The following NINL variants were observed in gnomAD, a reference collection of about 807,000 sequenced individuals.
NINL encodes the protein ninein-like protein.
NINL carries 153 observed loss-of-function variants against 160.3 expected under a neutral mutation model. The ratio of observed to expected loss-of-function variants is 0.95; its 90% CI spans 0.84 to 1.09. The LOEUF (loss-of-function observed/expected upper bound fraction) is 1.09, where lower values mean the gene tolerates loss of function less well. NINL is among the 50% of genes least tolerant of loss of function. The pLI, the probability that NINL is intolerant of heterozygous loss-of-function variation, is 0.00. For synonymous variants in NINL, 800 were observed against 734.8 expected (o/e 1.09, Z -1.43); for missense variants, 1,829 against 1,764.0 (o/e 1.04, Z -0.66).
intron 10 of NINL, among the ~76,000 whole-genome samples, chr20:25,492,799 T>C (rs1042220253): frequency 5.3e-5 from 8 of 152,148 alleles, no homozygotes; most frequent in Admixed American, 1.3e-4. Context: ...GTGAAAGATA[T>C]ATAGGCAATG....
Position 25,481,950 on chromosome 20 carries a change from C to T in NINL, c.1810+18G>A, listed in dbSNP as rs373122812. 8.2e-6 allele frequency: 13 copies of T among 1,592,978 alleles called. No individual in the cohort carries two copies. The African/African-American group carries it at 1.7e-4, about 21-fold the overall frequency. ...CAGCAGGCCTTGGGTCAGCCCCCTCCCAGGGACGGGCTCCTACCTGCTGGG... is the reference window on the plus strand; with the variant it reads ...CAGCAGGCCTTGGGTCAGCCCCCTCTCAGGGACGGGCTCCTACCTGCTGGG... On this transcript the variant is annotated intron_variant, in intron 14 of 23. Coordinates refer to ENST00000278886, the MANE Select transcript of NINL (RefSeq NM_025176.6).
intron 2 of NINL, among the ~76,000 whole-genome samples, chr20:25,521,628 ATC>A (rs1489391172): frequency 6.6e-6 from 1 of 152,224 alleles, no homozygotes. Context: ...ATTTGAGATT[ATC>A]TAGTGTACTG....
At chr20:25,566,723 G>A (rs2065002841) in intron 1 of NINL, among the ~76,000 whole-genome samples, 1 of 152,158 alleles carries the variant, frequency 6.6e-6, no homozygotes, top group African/African-American at 2.4e-5. Context: ...GAGCCCAGGA[G>A]TTTGAGGCTG....
intron 1 of NINL, among the ~76,000 whole-genome samples, chr20:25,566,779 G>A (rs868619604): frequency 6.6e-6 from 1 of 151,896 alleles, no homozygotes; most frequent in Non-Finnish European, 1.5e-5. Flanking sequence ...AGGTGACACA[G>A]CAAGACCCAT....
At chr20:25,576,672 G>A (rs1360818828) in intron 1 of NINL, among the ~76,000 whole-genome samples, 2 of 151,890 alleles carry the variant, frequency 1.3e-5, no homozygotes, top group African/African-American at 4.8e-5. Context: ...ACATTGCCCA[G>A]GTTGGTCTCG....
chr20:25,462,367 G>T lies in NINL; in HGVS notation c.3582+16C>A, dbSNP rs765743737. The T allele has an allele frequency of 1.2e-6, 2 of 1,611,240 alleles. No homozygotes were observed. The highest frequency in any genetic ancestry group is 1.1e-5 in the South Asian group (1 of 90,728). On this transcript the variant is annotated intron_variant, in intron 20 of 23. Coordinates refer to ENST00000278886, the MANE Select transcript of NINL (RefSeq NM_025176.6). The stretch of plus-strand genomic sequence containing the variant: ...CCCAGCCTCCAGCTCAGCTCCCTGC[G>T]GCTGAGGCCACCCACCTGCTGCTGC...
chr20:25,489,372 G>C, intron 12 of NINL, 48 bp from the exon 13 acceptor site: 2 of 1,551,314 alleles, frequency 1.3e-6, no homozygotes, highest in Admixed American at 1.7e-5. Context: ...CGGGCCAGAG[G>C]GGGACCTGCT....
chr20:25,475,003 G>C (rs1221046935), intron 17 of NINL, among the ~76,000 whole-genome samples: 2 of 151,948 alleles, frequency 1.3e-5, no homozygotes, highest in Admixed American at 6.6e-5. Context: ...GGCTGGTCTT[G>C]AACTCCTGAC....
chr20:25,570,763 C>T (rs535756687), intron 1 of NINL, among the ~76,000 whole-genome samples: 2 of 119,036 alleles, frequency 1.7e-5, no homozygotes, highest in East Asian at 2.9e-4. Context: ...AGTGCAGTGG[C>T]GCAATCTCAG....
rs573843757 is a variant in NINL, at chr20:25,551,698, C to T, written c.-11-25100G>A. On this transcript the variant is annotated intron_variant, in intron 1 of 23. Transcript: ENST00000278886. ...GAGGCTCTAATAACTGCTCAGCACC[C>T]GTATGTTTTATATCAGATAAGGTAA... Among the ~76,000 whole-genome samples the T allele has an allele frequency of 5.9e-5, 9 of 152,186 alleles. No homozygotes were observed. In the South Asian group the frequency reaches 1.7e-3, roughly 28 times the overall value.
intron 10 of NINL, among the ~76,000 whole-genome samples, chr20:25,492,569 A>T (rs1208442440): frequency 6.6e-6 from 1 of 151,988 alleles, no homozygotes; most frequent in Middle Eastern, 3.2e-3. Flanking sequence ...CTCCTGCCTC[A>T]GCCTCCCGAG....
At position 25,505,017 on chromosome 20, in the gene NINL, G is replaced by A. The variant is rs2063936131; in HGVS notation, c.579C>T (p.Ser193=). The change falls in exon 6 of 24, where the codon TCC becomes TCT. Residue 193 remains serine, a synonymous_variant. Coordinates refer to ENST00000278886, the MANE Select transcript of NINL (RefSeq NM_025176.6). The part of the protein sequence containing the change: ...FGSPQKSCSP[S]FDTPESQIRG... Reference sequence around the variant, plus strand: ...GGATCTGGCTCTCTGGGGTGTCAAAGGAGGGGCTGCAGGACTTCTGGGGGC... The same window carrying A: ...GGATCTGGCTCTCTGGGGTGTCAAAAGAGGGGCTGCAGGACTTCTGGGGGC... 1 of 1,613,272 alleles carries A rather than the reference G, an allele frequency of 6.2e-7. No individual in the cohort carries two copies. The highest frequency in any genetic ancestry group is 1.1e-5 in the South Asian group (1 of 90,930).
At chr20:25,481,468 T>C (rs1050888689) in intron 14 of NINL, among the ~76,000 whole-genome samples, 6 of 152,018 alleles carry the variant, frequency 3.9e-5, no homozygotes, top group Admixed American at 2.0e-4. Flanking sequence ...CCTAATCCCA[T>C]TGGCTGCGAG....
intron 10 of NINL, among the ~76,000 whole-genome samples, chr20:25,493,114 G>A (rs1442811770): frequency 6.6e-6 from 1 of 152,172 alleles, no homozygotes; most frequent in African/African-American, 2.4e-5. Context: ...ATTCACACAA[G>A]TCTTTCCAAA....
At chr20:25,578,129 T>A (rs1311892280) in intron 1 of NINL, among the ~76,000 whole-genome samples, 1 of 150,492 alleles carries the variant, frequency 6.6e-6, no homozygotes, top group Non-Finnish European at 1.5e-5. Context: ...TTTTTTTTTT[T>A]AGACGGAATC....
intron 1 of NINL, among the ~76,000 whole-genome samples, chr20:25,547,977 A>C (rs2064756266): frequency 2.0e-5 from 3 of 152,242 alleles, no homozygotes; most frequent in African/African-American, 7.2e-5. Context: ...CAACAGTATA[A>C]GTAATTAGGG....
At chr20:25,464,598 T>C (rs1048942329) in intron 19 of NINL, among the ~76,000 whole-genome samples, 2 of 152,082 alleles carry the variant, frequency 1.3e-5, no homozygotes, top group African/African-American at 4.8e-5. Flanking sequence ...GGCGCACACA[T>C]GATGTCTTCC....
chr20:25,482,637 C>T (rs932622813), intron 13 of NINL, among the ~76,000 whole-genome samples: 1 of 147,942 alleles, frequency 6.8e-6, no homozygotes, highest in African/African-American at 2.5e-5. Context: ...AGGCGTGAGC[C>T]ACCATGCCTG....
chr20:25,559,399 C>T (rs1353715193), intron 1 of NINL, among the ~76,000 whole-genome samples: 1 of 152,168 alleles, frequency 6.6e-6, no homozygotes, highest in Admixed American at 6.5e-5. Flanking sequence ...TGCCGCCACA[C>T]CCAACTAATT....
Sources: allele counts gnomAD v4.1 joint callset (sites outside exome capture counted in the v4.1 genomes callset), GRCh38; gene constraint gnomAD v4.1.1; transcripts MANE v1.5; gene names NCBI Gene and HGNC (gene_info 2026-07-23, HGNC 2026-07-21).